Variants in SLC20A2 observed in about 807,000 individuals in gnomAD.
SLC20A2 encodes solute carrier family 20 member 2, also known as sodium-dependent phosphate transporter 2.
Under a neutral mutation model 61.0 loss-of-function variants are expected in SLC20A2, and 30 were observed. That is an observed-to-expected ratio of 0.49 (90% CI 0.37 to 0.67). The LOEUF is 0.67. SLC20A2 is among the 30% of genes least tolerant of loss of function. SLC20A2 has a pLI of 0.00. For synonymous variants in SLC20A2, 351 were observed against 353.3 expected (o/e 0.99, Z 0.07); for missense variants, 626 against 866.4 (o/e 0.72, Z 3.48).
chr8:42,515,119 C>T (rs1259837108), intron 1 of SLC20A2, among the ~76,000 whole-genome samples: 1 of 152,200 alleles, frequency 6.6e-6, no homozygotes, highest in Non-Finnish European at 1.5e-5. Context: ...ATCTGTTTCA[C>T]AGCTGAAGAA....
chr8:42,533,658 T>TTTTC lies in SLC20A2; in HGVS notation c.-265+8162_-265+8163insGAAA, dbSNP rs1206910958. ...TGGCCTTAATGATCAACTGTTCTTTTTTTTTTTTTTTTTTTTTTGAGACGG... is the reference window on the plus strand; with the variant it reads ...TGGCCTTAATGATCAACTGTTCTTTTTTTCTTTTTTTTTTTTTTTTTTGAGACGG... On this transcript the variant is annotated intron_variant, in intron 1 of 10. Coordinates refer to the SLC20A2 transcript ENST00000342228. Among the ~76,000 whole-genome samples, 9 of 119,130 alleles carry TTTTC rather than the reference T, an allele frequency of 7.6e-5. 1 individual carries two copies. The highest frequency in any genetic ancestry group is 1.3e-4 in the African/African-American group (4 of 30,846). The allele number at this position is 119,130 out of a possible 152,430, so 78.2% of individuals were successfully genotyped here. A position where few individuals can be genotyped will look rare whatever the true frequency, so the allele number is the denominator to read the frequency against.
At chr8:42,438,674 A>G (rs191136890) in intron 7 of SLC20A2, among the ~76,000 whole-genome samples, 1 of 152,190 alleles carries the variant, frequency 6.6e-6, no homozygotes, top group East Asian at 1.9e-4. Flanking sequence ...GCCCACAAAC[A>G]TTGAGAGTCT....
At chr8:42,497,650 C>A (rs1281020053) in intron 1 of SLC20A2, among the ~76,000 whole-genome samples, 1 of 151,842 alleles carries the variant, frequency 6.6e-6, no homozygotes, top group African/African-American at 2.4e-5. Context: ...GTTTCCTCTT[C>A]CAGGCTAAAT....
chr8:42,419,794 G>T (rs1802922032), intron 10 of SLC20A2: 1 of 295,090 alleles, frequency 3.4e-6, no homozygotes, highest in South Asian at 1.3e-4. Flanking sequence ...CCGACAAAAA[G>T]ATGCACTGTT....
intron 7 of SLC20A2, among the ~76,000 whole-genome samples, chr8:42,439,059 C>A (rs555267924): frequency 6.6e-5 from 10 of 152,138 alleles, no homozygotes; most frequent in Non-Finnish European, 1.5e-4. Context: ...AATGGTGGGA[C>A]CACCTCCTTG....
At chr8:42,458,940 A>AACCCC (rs1806442839) in intron 5 of SLC20A2, among the ~76,000 whole-genome samples, 1 of 104,094 alleles carries the variant, frequency 9.6e-6, no homozygotes, top group African/African-American at 4.3e-5. Context: ...ATAATTTTTA[A>AACCCC]CCCCCCCCCC....
intron 1 of SLC20A2, chr8:42,541,757 C>G (rs1813201633): frequency 6.7e-6 from 1 of 148,954 alleles, no homozygotes; most frequent in African/African-American, 2.5e-5. Flanking sequence ...GGCCGCGTCA[C>G]CCGGCCCCGC....
chr8:42,513,983 G>C (rs1189174189), intron 1 of SLC20A2, among the ~76,000 whole-genome samples: 1 of 152,170 alleles, frequency 6.6e-6, no homozygotes, highest in African/African-American at 2.4e-5. Flanking sequence ...ATATGAATGG[G>C]AGAAGAGGTA....
At chr8:42,484,723 C>A in intron 1 of SLC20A2, 1 of 371,470 alleles carries the variant, frequency 2.7e-6, no homozygotes, top group East Asian at 7.1e-5. Flanking sequence ...CTATGGCTGG[C>A]AGCCACCATG....
At chr8:42,478,020 G>C (rs960488781) in intron 1 of SLC20A2, among the ~76,000 whole-genome samples, 4 of 151,548 alleles carry the variant, frequency 2.6e-5, no homozygotes, top group African/African-American at 4.9e-5. Flanking sequence ...CGAGTAGCTG[G>C]GACTACAGGT....
Position 42,499,638 on chromosome 8 carries a change from A to G in SLC20A2, c.-265+1393T>C, listed in dbSNP as rs144794788. ...GGTGTGAAAACTAATACCCAACTAC[A>G]GTGTACCTTTAAAAATGCTCCACTG... On this transcript the variant is annotated intron_variant, in intron 1 of 10. Transcript: ENST00000520262. Among the ~76,000 whole-genome samples the G allele has an allele frequency of 8.0e-3, 1,214 of 152,350 alleles. 7 individuals carry two copies. The highest frequency in any genetic ancestry group is 0.028 in the African/African-American group (1,162 of 41,580).
At chr8:42,458,977 A>C (rs1297732969) in intron 5 of SLC20A2, among the ~76,000 whole-genome samples, 71 of 135,660 alleles carry the variant, frequency 5.2e-4, no homozygotes, top group African/African-American at 1.9e-3. Context: ...ACCTTTATAC[A>C]AAAGAACAAA....
At chr8:42,486,088 T>G (rs1808980654) in intron 1 of SLC20A2, among the ~76,000 whole-genome samples, 2 of 152,134 alleles carry the variant, frequency 1.3e-5, no homozygotes, top group Non-Finnish European at 2.9e-5. Context: ...AATATGTAAT[T>G]ATATTGTCTT....
chr8:42,525,032 T>C (rs921467034), intron 1 of SLC20A2, among the ~76,000 whole-genome samples: 4 of 152,188 alleles, frequency 2.6e-5, no homozygotes, highest in African/African-American at 7.2e-5. Flanking sequence ...TTTTTCTGAA[T>C]TGAGTTTTAG....
intron 10 of SLC20A2, among the ~76,000 whole-genome samples, chr8:42,419,081 A>G (rs1802873504): frequency 6.6e-6 from 1 of 151,878 alleles, no homozygotes; most frequent in Non-Finnish European, 1.5e-5. Flanking sequence ...ATGTATCTTG[A>G]AATAATTCAA....
In SLC20A2 at chr8:42,506,800, C is replaced by T. The variant is rs572830367; in HGVS notation, c.-264-34146G>A. On this transcript the variant is annotated intron_variant, in intron 1 of 10. Coordinates refer to the SLC20A2 transcript ENST00000342228. The stretch of plus-strand genomic sequence containing the variant: ...TCTGGGCAGATGGCTGCTGTAAAGT[C>T]CCCCTATTCCTTCCTTACCCTAGGG... Among the ~76,000 whole-genome samples the T allele has an allele frequency of 2.6e-5, 4 of 152,180 alleles. No individual in the cohort carries two copies. The East Asian group carries it at 7.7e-4, about 29-fold the overall frequency.
At position 42,437,095 on chromosome 8, in the gene SLC20A2, C is replaced by A; in HGVS notation, c.1417G>T (p.Glu473Ter). 1 of 1,614,112 alleles carries A rather than the reference C, an allele frequency of 6.2e-7. No homozygotes were observed. The highest frequency in any genetic ancestry group is 8.5e-7 in the Non-Finnish European group (1 of 1,180,050). The stretch of plus-strand genomic sequence containing the variant: ...GGTGCGTCCTTCTCCTCCTTCTCCT[C>A]CTCTGCAGGGTCCTCTCGCGGCTGG... ...PDQPREDPAEEEKEEKDAPEV... is the reference protein window; with the variant it reads ...PDQPREDPAE Residue 473 changes from glutamate to a stop codon, truncating the protein, a stop_gained, in exon 8 of 11, where the codon GAG becomes TAG. Coordinates refer to ENST00000520262, the MANE Select transcript of SLC20A2 (RefSeq NM_001257180.2). LOFTEE classifies it high-confidence loss of function. This position sits in a 1 kb window ranked among gnomAD's most constrained non-coding sequence, Gnocchi z 6.4.
chr8:42,467,921 CT>C (rs557237374), intron 2 of SLC20A2, among the ~76,000 whole-genome samples: 1,830 of 143,722 alleles, frequency 0.013, 48 homozygotes, highest in Admixed American at 0.071. Flanking sequence ...GGTTTATATT[CT>C]TTTTTTTTTT....
chr8:42,472,467 T>C lies in SLC20A2; in HGVS notation c.-77A>G. On this transcript the variant is annotated 5_prime_UTR_variant, in exon 2 of 11. Coordinates refer to ENST00000520262, the MANE Select transcript of SLC20A2 (RefSeq NM_001257180.2). The surrounding 1 kb of genome is among the most constrained non-coding windows in gnomAD (Gnocchi z 4.1). ...ACAAAGCTTGAGGTTATAAACTTCG[T>C]AAGGCCAAGAGTTCTTGTAAACAGT... 7.4e-7 allele frequency: 1 copy of C among 1,348,648 alleles called. No homozygotes were observed. The highest frequency in any genetic ancestry group is 2.1e-5 in the Admixed American group (1 of 48,772). The allele number at this position is 1,348,648 out of a possible 1,614,324, so 83.5% of individuals were successfully genotyped here. A position where few individuals can be genotyped will look rare whatever the true frequency, so the allele number is the denominator to read the frequency against.
Sources: gnomAD v4.1 joint callset for allele counts (sites outside exome capture counted in the v4.1 genomes callset) on GRCh38, gnomAD v4.1.1 for gene constraint, Gnocchi (gnomAD v3.1) non-coding constraint, MANE v1.5 for transcripts, NCBI Gene and HGNC (gene_info 2026-07-23, HGNC 2026-07-21) for gene names.